The following DNAH2 variants were observed in gnomAD, a reference collection of about 807,000 sequenced individuals.
The protein encoded by DNAH2 is axonemal beta dynein heavy chain 2.
DNAH2 carries 323 observed loss-of-function variants against 523.5 expected under a neutral mutation model. That is an observed-to-expected ratio of 0.62 (90% confidence interval 0.56 to 0.68). DNAH2 has a LOEUF of 0.68. DNAH2 is among the 30% of genes least tolerant of loss of function. The pLI, the probability that DNAH2 is intolerant of heterozygous loss-of-function variation, is 0.00. For missense variants in DNAH2, 4,907 were observed against 5,701.5 expected, an observed-to-expected ratio of 0.86 and a Z score of 4.49; for synonymous variants, 2,093 against 2,177.4, an observed-to-expected ratio of 0.96 and a Z score of 1.08.
At chr17:7,813,951 G>C (rs2077588488) in intron 63 of DNAH2, among the ~76,000 whole-genome samples, 1 of 151,670 alleles carries the variant, frequency 6.6e-6, no homozygotes, top group Non-Finnish European at 1.5e-5. Context: ...ATATGTGAGT[G>C]CTGGGCATTA....
At chr17:7,768,094 G>A (rs199882219) in intron 23 of DNAH2, 33 bp downstream of exon 23, 4 of 1,614,108 alleles carry the variant, frequency 2.5e-6, no homozygotes, top group Admixed American at 1.7e-5. Context: ...CGGAAGAGAA[G>A]CTGGTGGAGG....
At chr17:7,783,346 G>A (rs922236320) in intron 39 of DNAH2, among the ~76,000 whole-genome samples, 2 of 152,132 alleles carry the variant, frequency 1.3e-5, no homozygotes, top group Admixed American at 6.5e-5. Context: ...CAAAGTGCTG[G>A]AATTACAGGC....
At chr17:7,732,306 G>A (rs1317425968) in intron 4 of DNAH2, among the ~76,000 whole-genome samples, 3 of 148,054 alleles carry the variant, frequency 2.0e-5, no homozygotes, top group African/African-American at 5.0e-5. Context: ...GTGGTGGTAC[G>A]GGCCTGTAAT....
At chr17:7,768,527 C>T (rs1269086887) in intron 24 of DNAH2, among the ~76,000 whole-genome samples, 2 of 152,174 alleles carry the variant, frequency 1.3e-5, no homozygotes, top group East Asian at 1.9e-4. Context: ...TTATCATATG[C>T]ATTACCTCAC....
At chr17:7,741,300 T>TTCTTCTCTC in intron 11 of DNAH2, among the ~76,000 whole-genome samples, 1 of 44,862 alleles carries the variant, frequency 2.2e-5, no homozygotes, top group Non-Finnish European at 3.7e-5. Flanking sequence ...CTTTCTTCCT[T>TTCTTCTCTC]CCTTCCCTCC....
intron 14 of DNAH2, 101 bp downstream of exon 14, chr17:7,758,752 G>T (rs1196262263): frequency 7.7e-6 from 12 of 1,558,718 alleles, no homozygotes; most frequent in Middle Eastern, 1.7e-4. Context: ...AGTGTAAAAA[G>T]AATTAAGTTT....
Position 7,807,267 on chromosome 17 carries a change from G to A in DNAH2, c.9560G>A (p.Gly3187Asp), listed in dbSNP as rs1259844656. 1 of 1,613,878 alleles carries A rather than the reference G, an allele frequency of 6.2e-7. No individual in the cohort carries two copies. The highest frequency in any genetic ancestry group is 8.5e-7 in the Non-Finnish European group (1 of 1,180,032). The change falls in exon 62 of 86, where the codon GGC becomes GAC. Residue 3187 changes from glycine to aspartate, a missense_variant. This residue lies in a region of DNAH2 where 1,851 missense variants were observed against 2,139.4 expected (regional missense o/e 0.87). Coordinates refer to ENST00000572933, the MANE Select transcript of DNAH2 (RefSeq NM_020877.5). This position sits in a 1 kb window ranked among gnomAD's most constrained non-coding sequence, Gnocchi z 5.6. Reference protein sequence around the residue: ...AQPDFQPDIIGRVSLAAKSLC... With the variant: ...AQPDFQPDIIDRVSLAAKSLC... ...CCTGACTTCCAGCCTGATATCATCG[G>A]CCGCGTCTCCCTGGCTGCCAAGTCC... is the stretch of plus-strand genomic sequence containing the variant.
rs187103377 is a variant in DNAH2 at position 7,786,759 on chromosome 17, G to A, written c.6466+72G>A. The A allele has an allele frequency of 2.9e-3, 4,717 of 1,599,084 alleles. 41 individuals are homozygous for A. Among genetic ancestry groups the A allele is most frequent in the Non-Finnish European group, 2.2e-3 (2,552 of 1,168,736 alleles). On this transcript the variant is annotated intron_variant, in intron 41 of 85. Transcript: ENST00000572933. The surrounding 1 kb of genome is among the most constrained non-coding windows in gnomAD (Gnocchi z 7.5). ...TAAGGGGGCAGGGAGTCTGGGGATA[G>A]GAAGTTCCAAGTTGGGAGAGAAATG...
rs1335113140 is a variant in DNAH2 at position 7,734,646 on chromosome 17, A to G, written c.916A>G (p.Ile306Val). The stretch of plus-strand genomic sequence containing the variant: ...GAAGGGAGTGAAGCACGTTGAATCC[A>G]TCCTGCACCTTGCCAAGTCGTCCTA... ...VKKGVKHVESILHLAKSSYLA... is the reference protein window; with the variant it reads ...VKKGVKHVESVLHLAKSSYLA... Residue 306 changes from isoleucine to valine, a missense_variant, in exon 7 of 86, where the codon ATC (isoleucine) becomes GTC (valine). Ile to Val is a conservative substitution (Grantham distance 29, BLOSUM62 3). Transcript: ENST00000572933. 1 of 1,613,168 alleles carries G rather than the reference A, an allele frequency of 6.2e-7. No individual in the cohort carries two copies. The highest frequency in any genetic ancestry group is 1.7e-5 in the Admixed American group (1 of 59,784).
chr17:7,833,544 T>C lies in DNAH2; in HGVS notation c.*11T>C, dbSNP rs760269017. 4 of 1,612,652 alleles carry C rather than the reference T, an allele frequency of 2.5e-6. No homozygotes were observed. In the Admixed American group the frequency reaches 6.7e-5, roughly 27 times the overall value. ...AGCCTGGACAGCTGAGACCTCCTCC[T>C]CTTCTCCGCTTGAGAGAGAGGGTCA... On this transcript the variant is annotated 3_prime_UTR_variant, in exon 86 of 86. Transcript: ENST00000572933.
At chr17:7,827,187 T>A (rs75425633) in intron 77 of DNAH2, among the ~76,000 whole-genome samples, 4,096 of 152,068 alleles carry the variant, frequency 0.027, 204 homozygotes, top group African/African-American at 0.085. Context: ...GTTTTGTGGT[T>A]TGTCTCTTCT....
In DNAH2 at chr17:7,774,913, A is replaced by T. The variant is rs2076407375; in HGVS notation, c.4656A>T (p.Pro1552=). ...AGATTCTGGGCCAGTCCCGAAACCCAGAGGCTGTGCAGCCACACCTCAAAA... is the reference window on the plus strand; with the variant it reads ...AGATTCTGGGCCAGTCCCGAAACCCTGAGGCTGTGCAGCCACACCTCAAAA... ...LLEILGQSRN[P]EAVQPHLKKC... is the part of the protein sequence containing the mutation. The change falls in exon 29 of 86, where the codon CCA becomes CCT. Residue 1552 remains proline, a synonymous_variant. Coordinates refer to ENST00000572933, the MANE Select transcript of DNAH2 (RefSeq NM_020877.5). 1 of 1,614,110 alleles carries T rather than the reference A, an allele frequency of 6.2e-7. No homozygotes were observed. The highest frequency in any genetic ancestry group is 1.1e-5 in the South Asian group (1 of 91,090).
intron 2 of DNAH2, among the ~76,000 whole-genome samples, chr17:7,720,658 C>T (rs555313211): frequency 6.6e-6 from 1 of 152,278 alleles, no homozygotes; most frequent in South Asian, 2.1e-4. Flanking sequence ...CTCCTTTACA[C>T]TGATAGTAGC....
At position 7,797,275 on chromosome 17, in the gene DNAH2, G is replaced by A. The variant is rs1377452405; in HGVS notation, c.7949+14G>A. ...TGAATGTTTCAGGTGACATGCATGTGCCCTGGCCAAACGAAGGCTTCCTCA... is the reference window on the plus strand; with the variant it reads ...TGAATGTTTCAGGTGACATGCATGTACCCTGGCCAAACGAAGGCTTCCTCA... On this transcript the variant is annotated intron_variant, in intron 51 of 85. Coordinates refer to ENST00000572933, the MANE Select transcript of DNAH2 (RefSeq NM_020877.5). 6.2e-7 allele frequency: 1 copy of A among 1,613,900 alleles called. No individual in the cohort carries two copies. Among genetic ancestry groups the A allele is most frequent in the Admixed American group, 1.7e-5 (1 of 59,982 alleles).
chr17:7,778,216 G>A, intron 34 of DNAH2, 36 bp downstream of exon 34: 1 of 1,614,098 alleles, frequency 6.2e-7, no homozygotes, highest in Non-Finnish European at 8.5e-7. Context: ...GGCTGGGGTG[G>A]GGGGCAGCAG....
At chr17:7,822,304 C>T (rs961694569) in intron 73 of DNAH2, among the ~76,000 whole-genome samples, 23 of 152,272 alleles carry the variant, frequency 1.5e-4, no homozygotes, top group African/African-American at 4.6e-4. Context: ...GCCATTGTGA[C>T]GGGCTCCCCA....
chr17:7,776,274 T>C (rs941027430), intron 31 of DNAH2, 125 bp downstream of exon 31: 3 of 1,136,510 alleles, frequency 2.6e-6, no homozygotes, highest in Middle Eastern at 3.1e-4. Context: ...AAGACCAGCC[T>C]GGCCAACATG....
At position 7,819,288 on chromosome 17, in the gene DNAH2, A is replaced by T; in HGVS notation, c.10895A>T (p.Gln3632Leu). 1.2e-6 allele frequency: 2 copies of T among 1,614,178 alleles called. No homozygotes were observed. Among genetic ancestry groups the T allele is most frequent in the East Asian group, 2.2e-5 (1 of 44,886 alleles). The change falls in exon 72 of 86, where the codon CAG becomes CTG. Residue 3632 changes from glutamine (Q) to leucine (L), a missense_variant. This residue lies in a region of DNAH2 where 1,851 missense variants were observed against 2,139.4 expected (regional missense o/e 0.87). Coordinates refer to ENST00000572933, the MANE Select transcript of DNAH2 (RefSeq NM_020877.5). ...NDMGCIDPMYQFSLDAYISLF... is the reference protein window; with the variant it reads ...NDMGCIDPMYLFSLDAYISLF... ...ATGGGCTGCATCGACCCCATGTACC[A>T]GTTCTCACTGGATGCCTACATCAGC...
chr17:7,740,054 A>C, intron 9 of DNAH2, 116 bp downstream of exon 9: 11 of 301,476 alleles, frequency 3.6e-5, no homozygotes, highest in Non-Finnish European at 4.4e-5. Flanking sequence ...GATCGGGATC[A>C]GGGCGGTGGC....
Sources: gnomAD v4.1 joint callset for allele counts (sites outside exome capture counted in the v4.1 genomes callset) on GRCh38, gnomAD v4.1.1 for gene constraint, gnomAD v4.1.1 regional missense constraint, Gnocchi (gnomAD v3.1) non-coding constraint, MANE v1.5 for transcripts, NCBI Gene and HGNC (gene_info 2026-07-23, HGNC 2026-07-21) for gene names.